Variants in ATP1A2 observed in about 807,000 individuals in gnomAD.
The protein encoded by ATP1A2 is sodium/potassium-transporting ATPase subunit alpha-2.
A neutral mutation model predicts 113.1 loss-of-function variants in ATP1A2; 56 were observed. The ratio of observed to expected loss-of-function variants is 0.49; its 90% CI spans 0.40 to 0.62. The LOEUF (loss-of-function observed/expected upper bound fraction) is 0.62, where lower values mean the gene tolerates loss of function less well. ATP1A2 is among the 20% of genes least tolerant of loss of function. The pLI, the probability that ATP1A2 is intolerant of heterozygous loss-of-function variation, is 0.00. For missense variants in ATP1A2, 712 were observed against 1,357.8 expected (o/e 0.52, Z 7.47); for synonymous variants, 490 against 526.8 (o/e 0.93, Z 0.96).
At chr1:160,136,217 C>T in intron 17 of ATP1A2, 30 bp from the exon 18 acceptor site, 2 of 1,614,002 alleles carry the variant, frequency 1.2e-6, no homozygotes, top group African/African-American at 2.7e-5. Flanking sequence ...CTTCAAATGC[C>T]CTCCCTGCCC....
intron 13 of ATP1A2, among the ~76,000 whole-genome samples, chr1:160,133,524 G>A (rs950601962): frequency 6.6e-6 from 1 of 152,202 alleles, no homozygotes; most frequent in Non-Finnish European, 1.5e-5. Context: ...TGCAACAATA[G>A]CAATGAACAT....
In ATP1A2 at chr1:160,136,583, A is replaced by G. The variant is rs934836140; in HGVS notation, c.2577A>G (p.Ala859=). ...CTCTACCCACAGGGATGATCCAGGC[A>G]CTGGGTGGCTTCTTCACCTACTTTG... The part of the protein sequence containing the change: ...MAYGQIGMIQ[A]LGGFFTYFVI... Residue 859 remains alanine, a synonymous_variant, in exon 19 of 23, where the codon GCA becomes GCG. Coordinates refer to ENST00000361216, the MANE Select transcript of ATP1A2 (RefSeq NM_000702.4). The G allele has an allele frequency of 6.2e-7, 1 of 1,614,186 alleles. No individual in the cohort carries two copies. Among genetic ancestry groups the G allele is most frequent in the Middle Eastern group, 1.6e-4 (1 of 6,062 alleles).
Position 160,115,779 on chromosome 1 carries a change from G to C in ATP1A2, c.-83G>C. 6.5e-7 allele frequency: 1 copy of C among 1,538,036 alleles called. No homozygotes were observed. The highest frequency in any genetic ancestry group is 8.8e-7 in the Non-Finnish European group (1 of 1,132,572). ...GCTTTCTCTGTCTGCCAGGGTCTCC[G>C]ACTGTCCCAGACGGGCTGGTGTGGG... On this transcript the variant is annotated 5_prime_UTR_variant, in exon 1 of 23. Transcript: ENST00000361216.
At position 160,117,042 on chromosome 1, in the gene ATP1A2, T is replaced by C. The variant is rs115018788; in HGVS notation, c.12+1169T>C. Among the ~76,000 whole-genome samples the C allele has an allele frequency of 9.3e-3, 1,421 of 152,210 alleles. 16 individuals are homozygous for C. The highest frequency in any genetic ancestry group is 0.033 in the African/African-American group (1,353 of 41,518). ...GTTACTCATGGATGAGTACCTGTGT[T>C]TGTGTCTCAGCAGGCAAATTTGTAA... On this transcript the variant is annotated intron_variant, in intron 1 of 22. Coordinates refer to ENST00000361216, the MANE Select transcript of ATP1A2 (RefSeq NM_000702.4).
At chr1:160,123,903 G>T (rs1217564032) in intron 4 of ATP1A2, 40 bp from the exon 5 acceptor site, 3 of 1,593,450 alleles carry the variant, frequency 1.9e-6, no homozygotes, top group Non-Finnish European at 2.6e-6. Context: ...TTTAGGGTTG[G>T]GGGGAAGGTC....
intron 20 of ATP1A2, 168 bp downstream of exon 20, chr1:160,137,199 C>A: frequency 3.5e-6 from 4 of 1,159,280 alleles, no homozygotes; most frequent in Non-Finnish European, 2.5e-6. Context: ...AAGAGAGAAG[C>A]CATGCTTCAG....
In ATP1A2 at chr1:160,134,717, G is replaced by C. The variant is rs908092878; in HGVS notation, c.1964+97G>C. On this transcript the variant is annotated intron_variant, in intron 14 of 22. Coordinates refer to ENST00000361216, the MANE Select transcript of ATP1A2 (RefSeq NM_000702.4). ...TGGGAGTATTTGGATAGCATTTCTG[G>C]GACCTTTATAGGCCTTACCTCTGAC... The C allele has an allele frequency of 3.2e-6, 5 of 1,576,550 alleles. No individual in the cohort carries two copies. The Middle Eastern group carries it at 5.8e-4, about 183-fold the overall frequency.
At chr1:160,122,819 C>T (rs192024125) in intron 3 of ATP1A2, among the ~76,000 whole-genome samples, 81 of 152,028 alleles carry the variant, frequency 5.3e-4, no homozygotes, top group Admixed American at 5.2e-3. Context: ...AAGAATCCAT[C>T]TCTTAAAAAA....
chr1:160,127,415 A>G (rs766179530), intron 7 of ATP1A2, 137 bp from the exon 8 acceptor site: 132 of 1,202,924 alleles, frequency 1.1e-4, no homozygotes, highest in Non-Finnish European at 1.5e-4. Context: ...AGTGGGGACA[A>G]CCTACTGAAT....
chr1:160,120,986 T>A lies in ATP1A2; in HGVS notation c.93T>A (p.Asp31Glu). The A allele has an allele frequency of 6.2e-7, 1 of 1,613,866 alleles. No homozygotes were observed. Among genetic ancestry groups the A allele is most frequent in the Non-Finnish European group, 8.5e-7 (1 of 1,179,872 alleles). Residue 31 changes from aspartate to glutamate, a missense_variant, in exon 2 of 23, where the codon GAT becomes GAA. Asp to Glu is a conservative substitution (Grantham distance 45). Transcript: ENST00000361216. ...AGAAACAGAAGGAGAAGGAACTGGA[T>A]GAGCTGAAGAAGGAGGTGGCAATGG... ...GKKKQKEKEL[D>E]ELKKEVAMDD...
intron 13 of ATP1A2, among the ~76,000 whole-genome samples, chr1:160,130,812 T>G (rs1195404935): frequency 6.6e-6 from 1 of 152,178 alleles, no homozygotes; most frequent in African/African-American, 2.4e-5. Context: ...CCCATGCCCC[T>G]CCTCTCCCTC....
chr1:160,137,299 G>T, intron 20 of ATP1A2: 1 of 504,644 alleles, frequency 2.0e-6, no homozygotes, highest in Non-Finnish European at 3.6e-6. Flanking sequence ...CTACTTGAGT[G>T]CCACCTGCTC....
chr1:160,128,629 T>G, intron 8 of ATP1A2, 23 bp from the exon 9 acceptor site: 1 of 1,614,124 alleles, frequency 6.2e-7, no homozygotes, highest in Non-Finnish European at 8.5e-7. Flanking sequence ...TTAACCTTTT[T>G]TATTCTCCTC....
At position 160,129,100 on chromosome 1, in the gene ATP1A2, A is replaced by C. The variant is rs764284991; in HGVS notation, c.1326+11A>C. 1.9e-6 allele frequency: 3 copies of C among 1,610,652 alleles called. No homozygotes were observed. The highest frequency in any genetic ancestry group is 2.5e-6 in the Non-Finnish European group (3 of 1,179,008). ...ATCTCCGTGTCTAAGGTAGGGGGTC[A>C]GGACACACACCAGGTATGTTTTGGG... On this transcript the variant is annotated intron_variant, in intron 10 of 22. Coordinates refer to ENST00000361216, the MANE Select transcript of ATP1A2 (RefSeq NM_000702.4).
intron 1 of ATP1A2, among the ~76,000 whole-genome samples, chr1:160,117,010 T>C (rs537596836): frequency 9.9e-5 from 15 of 151,652 alleles, no homozygotes; most frequent in African/African-American, 3.6e-4. Context: ...AGGCGGGGAG[T>C]CCTGCAGTTA....
At chr1:160,126,826 G>T (rs541858483) in intron 7 of ATP1A2, among the ~76,000 whole-genome samples, 8 of 152,056 alleles carry the variant, frequency 5.3e-5, no homozygotes, top group African/African-American at 1.9e-4. Context: ...TCCCACAATT[G>T]ATTTATTCAG....
intron 3 of ATP1A2, 103 bp from the exon 4 acceptor site, chr1:160,123,110 C>T (rs759053720): frequency 7.6e-5 from 105 of 1,372,912 alleles, no homozygotes; most frequent in Middle Eastern, 2.3e-4. Context: ...TGGGACTTTC[C>T]TTCTGGGCAT....
At chr1:160,129,138 G>GT in intron 10 of ATP1A2, 49 bp downstream of exon 10, 1 of 1,462,324 alleles carries the variant, frequency 6.8e-7, no homozygotes, top group Non-Finnish European at 9.0e-7. Context: ...TGTCTCCAAA[G>GT]CCTCTTGCTG....
intron 13 of ATP1A2, among the ~76,000 whole-genome samples, chr1:160,133,872 G>T (rs1189378479): frequency 6.6e-6 from 1 of 151,958 alleles, no homozygotes; most frequent in Non-Finnish European, 1.5e-5. Context: ...CTCTTCCAGG[G>T]GATCCTCATG....
Sources: allele counts gnomAD v4.1 joint callset (sites outside exome capture counted in the v4.1 genomes callset), GRCh38; gene constraint gnomAD v4.1.1; transcripts MANE v1.5; gene names NCBI Gene and HGNC (gene_info 2026-07-23, HGNC 2026-07-21).